The following ZBTB8OS variants were observed in gnomAD, a reference collection of about 807,000 sequenced individuals.
ZBTB8OS encodes the protein tRNA splicing ligase complex subunit 1, also known as tRNA-splicing ligase-activating factor archease.
Under a neutral mutation model 29.3 loss-of-function variants are expected in ZBTB8OS, and 16 were observed. That is an observed-to-expected ratio of 0.55 (90% confidence interval 0.37 to 0.83). ZBTB8OS has a LOEUF of 0.83. Ranked by LOEUF, ZBTB8OS falls within the 40% of genes least tolerant of loss-of-function variation. The pLI, the probability that ZBTB8OS is intolerant of heterozygous loss-of-function variation, is 0.00. For missense variants in ZBTB8OS, 160 were observed against 196.9 expected (o/e 0.81, Z 1.12); for synonymous variants, 70 against 64.6 (o/e 1.08, Z -0.40).
intron 5 of ZBTB8OS, among the ~76,000 whole-genome samples, chr1:32,628,213 C>T (rs997649466): frequency 6.6e-5 from 10 of 151,930 alleles, no homozygotes; most frequent in South Asian, 4.1e-4. Context: ...CAAAATTAGC[C>T]GGGCGTGGTG....
chr1:32,633,999 C>T lies in ZBTB8OS; in HGVS notation c.196G>A (p.Asp66Asn). 1 of 1,599,530 alleles carries T rather than the reference C, an allele frequency of 6.3e-7. No homozygotes were observed. The highest frequency in any genetic ancestry group is 8.5e-7 in the Non-Finnish European group (1 of 1,176,772). ...TGGAGGGGCTCCACTGTCCCAGTAT[C>T]TGTCATGTAACCAAACATGGCCATT... The part of the protein sequence containing the change: ...CAMAMFGYMT[D>N]TGTVEPLQTV... Residue 66 changes from aspartate (D) to asparagine (N), a missense_variant, in exon 3 of 7, where the codon GAT becomes AAT. Coordinates refer to ENST00000468695, the MANE Select transcript of ZBTB8OS (RefSeq NM_178547.5).
chr1:32,644,216 A>G (rs1163116857), intron 1 of ZBTB8OS, among the ~76,000 whole-genome samples: 2 of 152,146 alleles, frequency 1.3e-5, no homozygotes, highest in Non-Finnish European at 2.9e-5. Context: ...CAATCGGACG[A>G]ATTCCTGGGA....
intron 5 of ZBTB8OS, among the ~76,000 whole-genome samples, chr1:32,631,019 A>G (rs951396056): frequency 6.6e-6 from 1 of 151,782 alleles, no homozygotes; most frequent in Non-Finnish European, 1.5e-5. Flanking sequence ...AAATAAATAA[A>G]TAAATAATAA....
intron 6 of ZBTB8OS, among the ~76,000 whole-genome samples, chr1:32,623,615 T>C (rs1434712477): frequency 6.6e-6 from 1 of 152,136 alleles, no homozygotes; most frequent in Non-Finnish European, 1.5e-5. Context: ...GAGTACTTGA[T>C]CCTATACTCC....
In ZBTB8OS at chr1:32,621,398, CA is replaced by C. The variant is rs879079549; in HGVS notation, c.*463del. 3,517 of 60,836 alleles carry C rather than the reference CA, an allele frequency of 0.058. 55 individuals carry two copies. Among genetic ancestry groups the C allele is most frequent in the African/African-American group, 0.13 (2,587 of 19,828 alleles). The allele number at this position is 60,836 out of a possible 1,614,324, so 3.8% of individuals were successfully genotyped here. On this transcript the variant is annotated 3_prime_UTR_variant, in exon 7 of 7. Transcript: ENST00000468695. Reference sequence around the variant, plus strand: ...TGGGCTACAGAGCGAGACTCCGTCTCAAAAAAAAAAAAAAAAAAGAAACAAA... The same window carrying C: ...TGGGCTACAGAGCGAGACTCCGTCTCAAAAAAAAAAAAAAAAAGAAACAAA...
At chr1:32,632,856 G>A (rs1570562143) in intron 4 of ZBTB8OS, among the ~76,000 whole-genome samples, 1 of 152,120 alleles carries the variant, frequency 6.6e-6, no homozygotes, top group Non-Finnish European at 1.5e-5. Context: ...CAGATATATG[G>A]TGGAGGAGGA....
chr1:32,626,024 C>T (rs1645108066), intron 6 of ZBTB8OS, among the ~76,000 whole-genome samples: 1 of 152,058 alleles, frequency 6.6e-6, no homozygotes, highest in South Asian at 2.1e-4. Context: ...AAGCGCCCGC[C>T]ACCGCACCCA....
At chr1:32,648,728 G>A (rs539002630) in intron 1 of ZBTB8OS, among the ~76,000 whole-genome samples, 3 of 152,048 alleles carry the variant, frequency 2.0e-5, no homozygotes, top group South Asian at 2.1e-4. Flanking sequence ...GTGCAATCTC[G>A]GCTCACTGCA....
chr1:32,636,692 G>GA (rs776683665), intron 1 of ZBTB8OS, among the ~76,000 whole-genome samples: 3,563 of 131,500 alleles, frequency 0.027, 190 homozygotes, highest in African/African-American at 0.1. Context: ...CTCAAAAAAT[G>GA]GAAAAAAAAA....
chr1:32,627,709 G>T, intron 5 of ZBTB8OS, 165 bp from the exon 6 acceptor site: 1 of 634,200 alleles, frequency 1.6e-6, no homozygotes, highest in South Asian at 1.9e-5. Flanking sequence ...AGCTGTTGAG[G>T]GACGTGTGTG....
At chr1:32,628,140 T>C (rs1044885727) in intron 5 of ZBTB8OS, among the ~76,000 whole-genome samples, 1 of 150,202 alleles carries the variant, frequency 6.7e-6, no homozygotes, top group Non-Finnish European at 1.5e-5. Flanking sequence ...AGGTCGGCAG[T>C]TGAGGTCGGC....
chr1:32,626,494 C>T (rs572823103), intron 6 of ZBTB8OS, among the ~76,000 whole-genome samples: 1 of 152,220 alleles, frequency 6.6e-6, no homozygotes, highest in African/African-American at 2.4e-5. Flanking sequence ...GGCCAAATTG[C>T]CTCTTTTTGT....
At chr1:32,635,587 T>A (rs1645893475) in intron 1 of ZBTB8OS, among the ~76,000 whole-genome samples, 1 of 152,154 alleles carries the variant, frequency 6.6e-6, no homozygotes, top group African/African-American at 2.4e-5. Context: ...ACAACATGAC[T>A]TTCATCAATT....
chr1:32,631,856 A>G lies in ZBTB8OS; in HGVS notation c.351T>C (p.Asp117=). The G allele has an allele frequency of 6.3e-7, 1 of 1,596,488 alleles. No individual in the cohort carries two copies. The highest frequency in any genetic ancestry group is 8.5e-7 in the Non-Finnish European group (1 of 1,171,420). ...IPREVKVLSI[D]QRNFKLRSIG... is the part of the protein sequence containing the mutation. ...TTGATCGTAATTTGAAATTTCTTTG[A>G]TCAATGCTAAGTACTTTCACTTCCT... Residue 117 remains aspartate (D), a synonymous_variant, in exon 5 of 7, where the codon GAT becomes GAC. Transcript: ENST00000468695.
intron 1 of ZBTB8OS, among the ~76,000 whole-genome samples, chr1:32,649,455 A>G (rs375902314): frequency 1.3e-5 from 2 of 152,204 alleles, no homozygotes; most frequent in South Asian, 4.1e-4. Flanking sequence ...AACCACAGCT[A>G]CCTTTAGGGA....
intron 5 of ZBTB8OS, among the ~76,000 whole-genome samples, chr1:32,629,226 T>G (rs1246166115): frequency 6.6e-6 from 1 of 151,444 alleles, no homozygotes; most frequent in Non-Finnish European, 1.5e-5. Context: ...GCCTGGGCAA[T>G]GTAGCGAGAC....
intron 5 of ZBTB8OS, among the ~76,000 whole-genome samples, chr1:32,628,936 AAAAC>A (rs1258695470): frequency 5.9e-5 from 9 of 152,234 alleles, no homozygotes; most frequent in East Asian, 1.9e-4. Flanking sequence ...GACTGTCTAA[AAAAC>A]AAACAAACAA....
chr1:32,646,071 G>C (rs1015643639), intron 1 of ZBTB8OS, among the ~76,000 whole-genome samples: 2 of 152,256 alleles, frequency 1.3e-5, no homozygotes, highest in Admixed American at 1.3e-4. Context: ...TGTACTCCCA[G>C]CACTTTGGCA....
At chr1:32,626,452 C>A (rs980678115) in intron 6 of ZBTB8OS, among the ~76,000 whole-genome samples, 6 of 152,186 alleles carry the variant, frequency 3.9e-5, no homozygotes, top group Non-Finnish European at 5.9e-5. Context: ...CTGGCCTAAA[C>A]ACAGGGGTCA....
Sources: gnomAD v4.1 joint callset for allele counts (sites outside exome capture counted in the v4.1 genomes callset) on GRCh38, gnomAD v4.1.1 for gene constraint, MANE v1.5 for transcripts, NCBI Gene and HGNC (gene_info 2026-07-23, HGNC 2026-07-21) for gene names.